EPHA6: variants seen among roughly 807,000 people sequenced by gnomAD.
EPHA6 encodes ephrin type-A receptor 6.
A neutral mutation model predicts 112.0 loss-of-function variants in EPHA6; 50 were observed. The ratio of observed to expected loss-of-function variants is 0.45; its 90% CI spans 0.36 to 0.56. The LOEUF (loss-of-function observed/expected upper bound fraction) is 0.56, where lower values mean the gene tolerates loss of function less well. Among genes scored for constraint, EPHA6 ranks in the 20% least tolerant of loss-of-function variants. EPHA6 has a pLI of 0.00. For synonymous variants in EPHA6, 529 were observed against 490.7 expected (o/e 1.08, Z -1.03); for missense variants, 1,280 against 1,417.4 (o/e 0.90, Z 1.56).
intron 2 of EPHA6, among the ~76,000 whole-genome samples, chr3:96,957,966 C>T (rs1318613308): frequency 6.6e-6 from 1 of 152,140 alleles, no homozygotes; most frequent in Non-Finnish European, 1.5e-5. Context: ...TAGCAACTAG[C>T]TTAAAAGAGT....
chr3:97,230,922 A>T (rs2108554384), intron 4 of EPHA6, among the ~76,000 whole-genome samples: 1 of 152,270 alleles, frequency 6.6e-6, no homozygotes, highest in East Asian at 1.9e-4. Context: ...TCTTCCTGAG[A>T]AGACAGAGAG....
At chr3:96,849,823 G>A (rs1188042035) in intron 1 of EPHA6, among the ~76,000 whole-genome samples, 4 of 152,058 alleles carry the variant, frequency 2.6e-5, no homozygotes, top group African/African-American at 4.8e-5. Flanking sequence ...TAATAAGGCC[G>A]TTAAAAAAAT....
chr3:96,853,598 A>G (rs1447974072), intron 1 of EPHA6, among the ~76,000 whole-genome samples: 2 of 152,154 alleles, frequency 1.3e-5, no homozygotes, highest in East Asian at 1.9e-4. Context: ...CAGATTAGTT[A>G]TATGTAGGTA....
chr3:97,230,462 A>G (rs2078490855), intron 4 of EPHA6, among the ~76,000 whole-genome samples: 1 of 152,142 alleles, frequency 6.6e-6, no homozygotes, highest in Non-Finnish European at 1.5e-5. Context: ...TATAAATTAT[A>G]TTTCAGAAAT....
chr3:97,011,055 G>A (rs1402190559), intron 3 of EPHA6, among the ~76,000 whole-genome samples: 1 of 152,104 alleles, frequency 6.6e-6, no homozygotes, highest in Middle Eastern at 3.2e-3. Context: ...CTAAGGTTTG[G>A]ATGCATGCCA....
rs2080717658 is a variant in EPHA6, at chr3:97,292,360, A to G, written c.1606+48073A>G. On this transcript the variant is annotated intron_variant, in intron 5 of 17. Transcript: ENST00000389672. ...AAAGTTTCAGCCCTGTTTATGTTAC[A>G]ACTCTTTCCGTCCTGCCATTTTGCG... 2.0e-5 allele frequency among the ~76,000 whole-genome samples: 3 copies of G among 152,190 alleles called. No individual in the cohort carries two copies. The South Asian group carries it at 6.2e-4, about 31-fold the overall frequency.
intron 11 of EPHA6, among the ~76,000 whole-genome samples, chr3:97,584,140 C>T (rs2093466894): frequency 6.6e-6 from 1 of 152,146 alleles, no homozygotes; most frequent in African/African-American, 2.4e-5. Flanking sequence ...TGAGAAAACT[C>T]AATCTGTTAT....
In EPHA6 at chr3:96,814,611, G is replaced by T; in HGVS notation, c.-13G>T. 1 of 1,411,558 alleles carries T rather than the reference G, an allele frequency of 7.1e-7. No individual in the cohort carries two copies. The highest frequency in any genetic ancestry group is 2.5e-5 in the East Asian group (1 of 39,694). 87.4% of individuals were successfully genotyped at this position (1,411,558 alleles called of 1,614,324 possible). On this transcript the variant is annotated 5_prime_UTR_variant, in exon 1 of 18. Coordinates refer to ENST00000389672, the MANE Select transcript of EPHA6 (RefSeq NM_001080448.3). Reference sequence around the variant, plus strand: ...AAGTGAATAGTCCTCGCGCAAGCGGGACACTGTGGTGGATGCAATTCCCCT... The same window carrying T: ...AAGTGAATAGTCCTCGCGCAAGCGGTACACTGTGGTGGATGCAATTCCCCT...
At chr3:97,108,821 C>T (rs1256880813) in intron 3 of EPHA6, among the ~76,000 whole-genome samples, 2 of 152,100 alleles carry the variant, frequency 1.3e-5, no homozygotes, top group South Asian at 2.1e-4. Flanking sequence ...TGAGAATTTT[C>T]AGGTGTTAAC....
chr3:97,560,693 G>A (rs2093176928), intron 11 of EPHA6: 2 of 152,052 alleles, frequency 1.3e-5, no homozygotes, highest in African/African-American at 4.8e-5. Flanking sequence ...TCTATAATGA[G>A]TGAGTAAAGG....
At chr3:97,057,643 T>C (rs2045893113) in intron 3 of EPHA6, among the ~76,000 whole-genome samples, 1 of 152,200 alleles carries the variant, frequency 6.6e-6, no homozygotes, top group Non-Finnish European at 1.5e-5. Context: ...CATCAATAAA[T>C]GCACCTACCA....
At chr3:97,032,505 G>C (rs2044903275) in intron 3 of EPHA6, among the ~76,000 whole-genome samples, 1 of 151,906 alleles carries the variant, frequency 6.6e-6, no homozygotes, top group Non-Finnish European at 1.5e-5. Context: ...TTGCGAGCTA[G>C]ATCCAAATAT....
At position 97,687,946 on chromosome 3, in the gene EPHA6, T is replaced by C. The variant is rs73850149; in HGVS notation, c.2785-32315T>C. On this transcript the variant is annotated intron_variant, in intron 14 of 17. Coordinates refer to ENST00000389672, the MANE Select transcript of EPHA6 (RefSeq NM_001080448.3). ...GATTAGCCAAACAATGCAAGCACGT[T>C]AAAGCCCTGGTTGGAAGTGACACAT... Among the ~76,000 whole-genome samples the C allele has an allele frequency of 6.1e-3, 932 of 152,284 alleles. 9 individuals carry two copies. The highest frequency in any genetic ancestry group is 0.02 in the African/African-American group (833 of 41,556).
intron 3 of EPHA6, among the ~76,000 whole-genome samples, chr3:97,157,098 G>C (rs949219456): frequency 6.6e-6 from 1 of 152,098 alleles, no homozygotes; most frequent in African/African-American, 2.4e-5. Flanking sequence ...CTCAGTATCT[G>C]TGAAGTAACC....
intron 3 of EPHA6, among the ~76,000 whole-genome samples, chr3:97,033,121 C>A (rs16837818): frequency 0.013 from 1,992 of 151,860 alleles, 43 homozygotes; most frequent in African/African-American, 0.043. Context: ...GAATCCTGAG[C>A]AAGCGGTATT....
Position 96,933,048 on chromosome 3 carries a change from C to T in EPHA6, c.451-54282C>T, listed in dbSNP as rs781597356. ...TATCTTGGGTAATCATCCATCTGGA[C>T]GTCAAGATGGCATTATTTTGACTTC... On this transcript the variant is annotated intron_variant, in intron 2 of 17. Transcript: ENST00000389672. 5.9e-5 allele frequency among the ~76,000 whole-genome samples: 9 copies of T among 152,122 alleles called. No homozygotes were observed. In the East Asian group the frequency reaches 7.8e-4, roughly 13 times the overall value.
chr3:97,632,552 T>A (rs147964999), intron 13 of EPHA6, among the ~76,000 whole-genome samples: 70 of 152,058 alleles, frequency 4.6e-4, no homozygotes, highest in African/African-American at 1.4e-3. Flanking sequence ...CATAGGATAC[T>A]CAGGGAGTGT....
At chr3:97,678,791 T>C (rs1235420220) in intron 14 of EPHA6, among the ~76,000 whole-genome samples, 1 of 152,230 alleles carries the variant, frequency 6.6e-6, no homozygotes, top group Non-Finnish European at 1.5e-5. Flanking sequence ...ATACAAGCCC[T>C]GATTTCACTT....
At chr3:97,412,597 G>T (rs1037954225) in intron 6 of EPHA6, among the ~76,000 whole-genome samples, 2 of 151,964 alleles carry the variant, frequency 1.3e-5, no homozygotes, top group African/African-American at 4.8e-5. Context: ...ACTAAGGAAT[G>T]AATGAGACAT....
Sources: gnomAD v4.1 joint callset for allele counts (sites outside exome capture counted in the v4.1 genomes callset) on GRCh38, gnomAD v4.1.1 for gene constraint, MANE v1.5 for transcripts, NCBI Gene and HGNC (gene_info 2026-07-23, HGNC 2026-07-21) for gene names.